Variants in ACADM observed in about 807,000 individuals in gnomAD.
ACADM encodes the protein medium-chain specific acyl-CoA dehydrogenase, mitochondrial.
ACADM carries 49 observed loss-of-function variants against 58.9 expected under a neutral mutation model. The ratio of observed to expected loss-of-function variants is 0.83; its 90% CI spans 0.66 to 1.06. The LOEUF (loss-of-function observed/expected upper bound fraction) is 1.06, where lower values mean the gene tolerates loss of function less well. Among genes scored for constraint, ACADM ranks in the 50% least tolerant of loss-of-function variants. The pLI is 0.00. For missense variants in ACADM, 496 were observed against 507.0 expected (o/e 0.98, Z 0.21); for synonymous variants, 160 against 157.7 (o/e 1.01, Z -0.11).
chr1:75,744,895 G>T (rs1647805562), intron 7 of ACADM: 2 of 373,588 alleles, frequency 5.4e-6, no homozygotes, highest in South Asian at 4.5e-5. Context: ...AAAAGTGCCA[G>T]TTTCAACAGG....
chr1:75,762,415 G>A (rs938300983), intron 11 of ACADM, among the ~76,000 whole-genome samples: 1 of 152,016 alleles, frequency 6.6e-6, no homozygotes, highest in Non-Finnish European at 1.5e-5. Flanking sequence ...CAAACTTTCT[G>A]AAATGTAAAT....
intron 7 of ACADM, chr1:75,744,707 A>G: frequency 1.3e-6 from 1 of 775,138 alleles, no homozygotes; most frequent in Middle Eastern, 2.6e-4. Context: ...CCTAGAGGGC[A>G]GTTCCCCTTC....
At chr1:75,732,395 A>G (rs1230657137) in intron 2 of ACADM, 4 of 450,924 alleles carry the variant, frequency 8.9e-6, no homozygotes, top group Non-Finnish European at 1.6e-5. Context: ...CTTGAGCTCT[A>G]CAGGTTAATA....
intron 4 of ACADM, 51 bp downstream of exon 4, chr1:75,732,973 T>C (rs1444549022): frequency 6.2e-7 from 1 of 1,613,268 alleles, no homozygotes; most frequent in Admixed American, 1.7e-5. Context: ...GTAAGAAAAA[T>C]TGTGGAACTC....
chr1:75,730,521 T>A (rs927160280), intron 2 of ACADM, among the ~76,000 whole-genome samples: 1 of 151,348 alleles, frequency 6.6e-6, no homozygotes, highest in South Asian at 2.1e-4. Flanking sequence ...AAATAATACA[T>A]AATACATACT....
intron 7 of ACADM, chr1:75,743,723 C>T (rs965430605): frequency 7.2e-6 from 11 of 1,518,130 alleles, no homozygotes; most frequent in African/African-American, 4.1e-5. Context: ...CGGGCCTTCT[C>T]TCCCAGTTCA....
At chr1:75,736,289 T>C (rs1256921494) in intron 6 of ACADM, among the ~76,000 whole-genome samples, 2 of 152,146 alleles carry the variant, frequency 1.3e-5, no homozygotes, top group African/African-American at 4.8e-5. Context: ...GTGGTTGTTA[T>C]ACTGAAATAC....
rs547228927 is a variant in ACADM at position 75,744,733 on chromosome 1, G to T, written c.600-1073G>T. On this transcript the variant is annotated intron_variant, in intron 7 of 11. Transcript: ENST00000370841. ...GTTCCCCTTCTGGAAGGCAGAGAGC[G>T]AGTGGCTGAACGCCCGGGACACAGT... 6.7e-6 allele frequency: 5 copies of T among 746,278 alleles called. No homozygotes were observed. The Admixed American group carries it at 7.0e-5, about 10-fold the overall frequency. The allele number at this position is 746,278 out of a possible 1,614,324, so 46.2% of individuals were successfully genotyped here.
At chr1:75,752,439 G>A (rs768183261) in intron 10 of ACADM, among the ~76,000 whole-genome samples, 33 of 152,170 alleles carry the variant, frequency 2.2e-4, no homozygotes, top group Middle Eastern at 3.2e-3. Flanking sequence ...AACAGTTTGT[G>A]AATTGGCACT....
chr1:75,744,666 G>A lies in ACADM; in HGVS notation c.600-1140G>A, dbSNP rs929487113. On this transcript the variant is annotated intron_variant, in intron 7 of 11. Transcript: ENST00000370841. Reference sequence around the variant, plus strand: ...TGCTGTTAGGGTAACCTGGTCCCTGGCATAAGGAGACCCCAGGCAGGGAAT... The same window carrying A: ...TGCTGTTAGGGTAACCTGGTCCCTGACATAAGGAGACCCCAGGCAGGGAAT... The A allele has an allele frequency of 1.3e-5, 11 of 857,444 alleles. No individual in the cohort carries two copies. The African/African-American group carries it at 1.8e-4, about 14-fold the overall frequency. The allele number at this position is 857,444 out of a possible 1,614,324, so 53.1% of individuals were successfully genotyped here.
chr1:75,747,861 T>C (rs1338940895), intron 8 of ACADM, among the ~76,000 whole-genome samples: 1 of 152,234 alleles, frequency 6.6e-6, no homozygotes. Context: ...TTTTAAATGT[T>C]GTGGGGTTTG....
chr1:75,756,727 G>A (rs368893838), intron 10 of ACADM, among the ~76,000 whole-genome samples: 3 of 152,010 alleles, frequency 2.0e-5, no homozygotes, highest in African/African-American at 7.2e-5. Context: ...AGTTCATATG[G>A]AACCAAAAAA....
intron 10 of ACADM, among the ~76,000 whole-genome samples, chr1:75,753,879 C>T (rs1270690101): frequency 2.1e-5 from 3 of 143,964 alleles, no homozygotes; most frequent in Non-Finnish European, 4.5e-5. Context: ...TCACTGCAAC[C>T]ACTGCCTCCT....
intron 10 of ACADM, among the ~76,000 whole-genome samples, chr1:75,760,544 CAAAAAAAAAAAAA>C (rs59063908): frequency 1.9e-3 from 66 of 35,492 alleles, no homozygotes; most frequent in South Asian, 6.1e-3. Context: ...GACCCTGTCT[CAAAAAAAAAAAAA>C]AAAAAAAAAA....
chr1:75,748,190 G>C (rs1236101257), intron 8 of ACADM, among the ~76,000 whole-genome samples: 1 of 152,076 alleles, frequency 6.6e-6, no homozygotes, highest in Non-Finnish European at 1.5e-5. Flanking sequence ...AAGAGAAAGA[G>C]AAATAAAAAA....
intron 10 of ACADM, among the ~76,000 whole-genome samples, chr1:75,755,568 T>A (rs1648458570): frequency 6.6e-6 from 1 of 152,084 alleles, no homozygotes; most frequent in Non-Finnish European, 1.5e-5. Flanking sequence ...GAAGGAAAAC[T>A]AACAAACAGA....
intron 1 of ACADM, among the ~76,000 whole-genome samples, chr1:75,725,157 GAAAAA>G (rs1465898979): frequency 6.6e-6 from 1 of 151,396 alleles, no homozygotes; most frequent in African/African-American, 2.4e-5. Flanking sequence ...AGAACCACGG[GAAAAA>G]GAAAAATGGA....
rs748085268 is a variant in ACADM, at chr1:75,761,209, G to C, written c.1033G>C (p.Asp345His). The C allele has an allele frequency of 5.0e-6, 8 of 1,614,084 alleles. No individual in the cohort carries two copies. The South Asian group carries it at 7.7e-5, about 16-fold the overall frequency. The change falls in exon 11 of 12, where the codon GAT (aspartate) becomes CAT (histidine). Residue 345 changes from aspartate to histidine, a missense_variant. Coordinates refer to ENST00000370841, the MANE Select transcript of ACADM (RefSeq NM_000016.6). ...MSYQRAAWEV[D>H]SGRRNTYYAS... ...TTACCAGAGAGCAGCTTGGGAGGTT[G>C]ATTCTGGTCGTCGAAATACCTATTA...
intron 6 of ACADM, 22 bp downstream of exon 6, chr1:75,734,893 T>G: frequency 6.4e-7 from 1 of 1,554,066 alleles, no homozygotes; most frequent in Non-Finnish European, 8.9e-7. Flanking sequence ...TAACTGCCGC[T>G]TTATTTCACA....
Sources: allele counts gnomAD v4.1 joint callset (sites outside exome capture counted in the v4.1 genomes callset), GRCh38; gene constraint gnomAD v4.1.1; transcripts MANE v1.5; gene names NCBI Gene and HGNC (gene_info 2026-07-23, HGNC 2026-07-21).